The following SPSB4 variants were observed in gnomAD, a reference collection of about 807,000 sequenced individuals.
The protein encoded by SPSB4 is splA/ryanodine receptor domain and SOCS box containing 4.
A neutral mutation model predicts 20.9 loss-of-function variants in SPSB4; 21 were observed. The ratio of observed to expected loss-of-function variants is 1.01; its 90% CI spans 0.71 to 1.45. SPSB4 has a LOEUF of 1.45. SPSB4 is among the 40% of genes most tolerant of loss of function. The pLI is 0.00. For synonymous variants in SPSB4, 207 were observed against 183.8 expected (o/e 1.13, Z -1.02); for missense variants, 399 against 399.2 (o/e 1.00, Z 0.00).
intron 2 of SPSB4, among the ~76,000 whole-genome samples, chr3:141,067,345 A>G (rs975084859): frequency 6.6e-6 from 1 of 152,212 alleles, no homozygotes; most frequent in East Asian, 1.9e-4. Flanking sequence ...TTATGGGCCA[A>G]CTATTAAAGG....
chr3:141,082,225 G>A (rs960140147), intron 2 of SPSB4, among the ~76,000 whole-genome samples: 2 of 152,172 alleles, frequency 1.3e-5, no homozygotes, highest in South Asian at 4.2e-4. Flanking sequence ...AAAACAATTC[G>A]GGGGCAGAGG....
Position 141,147,400 on chromosome 3 carries a change from C to T in SPSB4, c.*131C>T. ...GGCTCCCCAGGACACTCAGTTCTTT[C>T]AAAGACCAGGATGTGGTACCAACTT... is the stretch of plus-strand genomic sequence containing the variant. On this transcript the variant is annotated 3_prime_UTR_variant, in exon 3 of 3. Transcript: ENST00000310546. The T allele has an allele frequency of 6.8e-7, 1 of 1,463,606 alleles. No individual in the cohort carries two copies. The highest frequency in any genetic ancestry group is 9.2e-7 in the Non-Finnish European group (1 of 1,087,128). 90.7% of individuals were successfully genotyped at this position (1,463,606 alleles called of 1,614,324 possible).
chr3:141,071,524 CTGT>C (rs1938002790), intron 2 of SPSB4, among the ~76,000 whole-genome samples: 2 of 151,990 alleles, frequency 1.3e-5, no homozygotes, highest in South Asian at 4.2e-4. Context: ...GGCAATGTGG[CTGT>C]TATTATCCCC....
intron 1 of SPSB4, among the ~76,000 whole-genome samples, chr3:141,052,674 GC>G (rs1396821639): frequency 6.6e-6 from 1 of 152,172 alleles, no homozygotes; most frequent in Non-Finnish European, 1.5e-5. Context: ...TGGTCGCCTG[GC>G]CCGAGAGCGA....
chr3:141,116,072 A>G (rs976375431), intron 2 of SPSB4, among the ~76,000 whole-genome samples: 1 of 152,238 alleles, frequency 6.6e-6, no homozygotes, highest in Non-Finnish European at 1.5e-5. Context: ...GCAAGAGGCT[A>G]AGAGATGACG....
intron 2 of SPSB4, among the ~76,000 whole-genome samples, chr3:141,102,236 A>G (rs906621396): frequency 6.6e-6 from 1 of 152,228 alleles, no homozygotes; most frequent in African/African-American, 2.4e-5. Context: ...TGAGTAATAT[A>G]TACAGAGCAG....
intron 2 of SPSB4, among the ~76,000 whole-genome samples, chr3:141,138,263 T>C (rs961127170): frequency 2.0e-5 from 3 of 152,254 alleles, no homozygotes; most frequent in Non-Finnish European, 1.5e-5. Context: ...CTATCAACTC[T>C]GTTGATCTTT....
rs149941933 is a variant in SPSB4 at position 141,102,781 on chromosome 3, A to G, written c.694+35983A>G. 1.7e-3 allele frequency among the ~76,000 whole-genome samples: 255 copies of G among 152,296 alleles called. 2 individuals are homozygous for G. The highest frequency in any genetic ancestry group is 5.9e-3 in the African/African-American group (247 of 41,574). On this transcript the variant is annotated intron_variant, in intron 2 of 2. Coordinates refer to ENST00000310546, the MANE Select transcript of SPSB4 (RefSeq NM_080862.3). ...TGGGCAAAATTGCAGACTTACTAAC[A>G]GGTAAGTGGCCCCTTTGAGATGCCT...
At chr3:141,146,560 G>A (rs1252679487) in intron 2 of SPSB4, among the ~76,000 whole-genome samples, 1 of 152,138 alleles carries the variant, frequency 6.6e-6, no homozygotes, top group East Asian at 1.9e-4. Context: ...GCGATCACGA[G>A]GTCAGGAGAT....
intron 1 of SPSB4, among the ~76,000 whole-genome samples, chr3:141,056,706 T>C (rs1318474894): frequency 6.6e-6 from 1 of 152,274 alleles, no homozygotes; most frequent in East Asian, 1.9e-4. Context: ...CCTTCCCATC[T>C]TCTCCCTTCA....
chr3:141,089,526 C>T (rs557213980), intron 2 of SPSB4, among the ~76,000 whole-genome samples: 1 of 152,146 alleles, frequency 6.6e-6, no homozygotes, highest in East Asian at 1.9e-4. Context: ...CAAGGCAGGC[C>T]AGAGGCCAGC....
At chr3:141,090,418 G>T (rs1390156478) in intron 2 of SPSB4, among the ~76,000 whole-genome samples, 1 of 152,154 alleles carries the variant, frequency 6.6e-6, no homozygotes. Flanking sequence ...AATAGGAAAG[G>T]AGCTGGAGTG....
intron 2 of SPSB4, among the ~76,000 whole-genome samples, chr3:141,104,842 G>A (rs967709075): frequency 6.6e-5 from 10 of 152,214 alleles, no homozygotes; most frequent in African/African-American, 2.2e-4. Flanking sequence ...CAGAATTTGC[G>A]CCGTTAGAGT....
intron 2 of SPSB4, among the ~76,000 whole-genome samples, chr3:141,090,967 G>A (rs72980202): frequency 3.9e-5 from 6 of 152,120 alleles, no homozygotes; most frequent in African/African-American, 1.2e-4. Flanking sequence ...ATAATTTGCT[G>A]TAAAGGATAA....
Position 141,051,396 on chromosome 3 carries a change from G to GGGC in SPSB4, c.-738_-736dup, listed in dbSNP as rs1193847294. The stretch of plus-strand genomic sequence containing the variant: ...CGGGCCGGCCGGGAAGGCGGGGAGC[G>GGGC]GGCGGCGGCGGCGGAGGAGGGGGAG... On this transcript the variant is annotated 5_prime_UTR_variant, in exon 1 of 3. Coordinates refer to ENST00000310546, the MANE Select transcript of SPSB4 (RefSeq NM_080862.3). The GGGC allele has an allele frequency of 6.4e-6, 1 of 155,920 alleles. No individual in the cohort carries two copies. Among genetic ancestry groups the GGGC allele is most frequent in the Non-Finnish European group, 1.4e-5 (1 of 70,616 alleles). The allele number at this position is 155,920 out of a possible 1,614,324, so 9.7% of individuals were successfully genotyped here.
At chr3:141,111,725 A>G (rs896219881) in intron 2 of SPSB4, among the ~76,000 whole-genome samples, 3 of 152,198 alleles carry the variant, frequency 2.0e-5, no homozygotes, top group African/African-American at 7.2e-5. Context: ...ATTCACTCTG[A>G]GAGCAAATGG....
At chr3:141,098,278 T>G (rs1938572572) in intron 2 of SPSB4, among the ~76,000 whole-genome samples, 1 of 152,256 alleles carries the variant, frequency 6.6e-6, no homozygotes, top group South Asian at 2.1e-4. Flanking sequence ...TTTGTTTTTT[T>G]GAAGAATTTT....
At chr3:141,081,816 G>C (rs1163317027) in intron 2 of SPSB4, among the ~76,000 whole-genome samples, 2 of 152,216 alleles carry the variant, frequency 1.3e-5, no homozygotes, top group Non-Finnish European at 2.9e-5. Flanking sequence ...AGCAAAACCT[G>C]TGAAAGCCCC....
intron 2 of SPSB4, among the ~76,000 whole-genome samples, chr3:141,110,005 T>C (rs1356759666): frequency 1.3e-5 from 2 of 152,224 alleles, no homozygotes; most frequent in African/African-American, 2.4e-5. Context: ...TCTGTTGGCC[T>C]GAGGGAGAAA....
Sources: gnomAD v4.1 joint callset for allele counts (sites outside exome capture counted in the v4.1 genomes callset) on GRCh38, gnomAD v4.1.1 for gene constraint, MANE v1.5 for transcripts, NCBI Gene and HGNC (gene_info 2026-07-23, HGNC 2026-07-21) for gene names.